The following PCLO variants were observed in gnomAD, a reference collection of about 807,000 sequenced individuals.
PCLO encodes piccolo presynaptic cytomatrix protein, also known as protein piccolo.
Under a neutral mutation model 427.5 loss-of-function variants are expected in PCLO, and 82 were observed. That is an observed-to-expected ratio of 0.19 (90% CI 0.16 to 0.23). The LOEUF (loss-of-function observed/expected upper bound fraction) is 0.23, where lower values mean the gene tolerates loss of function less well. PCLO is among the 10% of genes least tolerant of loss of function. The probability of loss-of-function intolerance (pLI) is 1.00; values close to 1 mark genes in which losing one functional copy is unlikely to be tolerated. For synonymous variants in PCLO, 2,357 were observed against 2,155.4 expected (o/e 1.09, Z -2.59); for missense variants, 6,239 against 6,115.9 (o/e 1.02, Z -0.67).
At chr7:83,044,642 G>C (rs533819891) in intron 3 of PCLO, among the ~76,000 whole-genome samples, 1 of 151,908 alleles carries the variant, frequency 6.6e-6, no homozygotes, top group Non-Finnish European at 1.5e-5. Flanking sequence ...ACATAATGAA[G>C]CAAACAAAAA....
At chr7:82,936,663 T>C (rs2116362524) in intron 6 of PCLO, among the ~76,000 whole-genome samples, 1 of 151,832 alleles carries the variant, frequency 6.6e-6, no homozygotes, top group East Asian at 1.9e-4. Flanking sequence ...AGCAGTTAGC[T>C]ATTCCTAGGC....
intron 3 of PCLO, among the ~76,000 whole-genome samples, chr7:82,981,608 T>G (rs1383360718): frequency 6.6e-6 from 1 of 152,140 alleles, no homozygotes; most frequent in Non-Finnish European, 1.5e-5. Flanking sequence ...TTAATTTTGT[T>G]TCTGTCACCT....
rs932854823 is a variant in PCLO, at chr7:83,007,377, G to A, written c.3301-40890C>T. 1.9e-4 allele frequency among the ~76,000 whole-genome samples: 28 copies of A among 151,160 alleles called. 1 individual carries two copies. In the East Asian group the frequency reaches 5.3e-3, roughly 28 times the overall value. ...AGGTGAATACATTGTTGTGTAAAGT[G>A]GTAAAATATTTATCAGCTGTTTTGT... On this transcript the variant is annotated intron_variant, in intron 3 of 24. Coordinates refer to ENST00000333891, the MANE Select transcript of PCLO (RefSeq NM_033026.6).
chr7:82,888,315 CTATTT>C (rs1269059703), intron 9 of PCLO, among the ~76,000 whole-genome samples: 2 of 151,980 alleles, frequency 1.3e-5, no homozygotes, highest in Non-Finnish European at 2.9e-5. Flanking sequence ...TGTTTTAACT[CTATTT>C]TAAGAGTTGG....
intron 3 of PCLO, among the ~76,000 whole-genome samples, chr7:83,059,964 A>G (rs927854724): frequency 6.6e-6 from 1 of 152,230 alleles, no homozygotes; most frequent in South Asian, 2.1e-4. Flanking sequence ...GAGGAGAAAC[A>G]AAAACAGTCT....
chr7:83,107,760 G>T (rs1790897345), intron 3 of PCLO, among the ~76,000 whole-genome samples: 1 of 145,076 alleles, frequency 6.9e-6, no homozygotes, highest in Admixed American at 7.1e-5. Flanking sequence ...GGAGGCCAAG[G>T]GGGGCAGATC....
At chr7:82,923,883 T>A (rs972216101) in intron 6 of PCLO, among the ~76,000 whole-genome samples, 1 of 152,082 alleles carries the variant, frequency 6.6e-6, no homozygotes, top group African/African-American at 2.4e-5. Context: ...TTGGACCAGA[T>A]GATTCTATAT....
Position 82,930,197 on chromosome 7 carries a change from C to T in PCLO, c.11113-13324G>A, listed in dbSNP as rs118145488. Among the ~76,000 whole-genome samples, 71 of 152,176 alleles carry T rather than the reference C, an allele frequency of 4.7e-4. No homozygotes were observed. The Middle Eastern group carries it at 0.027, about 58-fold the overall frequency. ...CACAAGGGCTACAGGGGAGGGATTT[C>T]CTGGTGGCAGGACACATGGACAAAT... On this transcript the variant is annotated intron_variant, in intron 6 of 24. Transcript: ENST00000333891.
chr7:82,810,882 T>C (rs548872261), intron 20 of PCLO, among the ~76,000 whole-genome samples: 3 of 151,814 alleles, frequency 2.0e-5, no homozygotes, highest in African/African-American at 7.2e-5. Context: ...CGGATTAAAT[T>C]GTAGACTTCA....
chr7:82,782,795 T>C (rs1790901920), intron 22 of PCLO, among the ~76,000 whole-genome samples: 1 of 152,192 alleles, frequency 6.6e-6, no homozygotes, highest in Admixed American at 6.5e-5. Flanking sequence ...AAGTGTCTTA[T>C]ATATTAGTAT....
chr7:83,107,208 C>A (rs1790879624), intron 3 of PCLO, among the ~76,000 whole-genome samples: 1 of 152,070 alleles, frequency 6.6e-6, no homozygotes, highest in South Asian at 2.1e-4. Flanking sequence ...AGTCCTTACC[C>A]TTCAAAATAA....
chr7:82,851,965 CAT>C (rs763088569), intron 10 of PCLO, among the ~76,000 whole-genome samples: 1 of 151,434 alleles, frequency 6.6e-6, no homozygotes, highest in Non-Finnish European at 1.5e-5. Flanking sequence ...ATATATTTTT[CAT>C]ATTTTACAAT....
At position 83,082,111 on chromosome 7, in the gene PCLO, T is replaced by C. The variant is rs184004443; in HGVS notation, c.3300+52139A>G. 6.0e-5 allele frequency among the ~76,000 whole-genome samples: 9 copies of C among 151,238 alleles called. No individual in the cohort carries two copies. The East Asian group carries it at 1.7e-3, about 29-fold the overall frequency. On this transcript the variant is annotated intron_variant, in intron 3 of 24. Coordinates refer to ENST00000333891, the MANE Select transcript of PCLO (RefSeq NM_033026.6). ...CTCCATTTATCTTATACATTTCCTATACTATACACACACACACACACACGC... is the reference window on the plus strand; with the variant it reads ...CTCCATTTATCTTATACATTTCCTACACTATACACACACACACACACACGC...
chr7:82,871,089 A>G (rs1793224974), intron 10 of PCLO, among the ~76,000 whole-genome samples: 1 of 151,982 alleles, frequency 6.6e-6, no homozygotes, highest in African/African-American at 2.4e-5. Context: ...ACCATACAAT[A>G]CACTGATCCC....
intron 22 of PCLO, among the ~76,000 whole-genome samples, chr7:82,794,459 C>CTGTTTTTTTTTTGTTTTT (rs1554333552): frequency 1.8e-5 from 1 of 56,350 alleles, no homozygotes; most frequent in Non-Finnish European, 4.1e-5. Context: ...AATTTTTTTT[C>CTGTTTTTTTTTTGTTTTT]TTTTTTTTTT....
At chr7:82,871,600 A>AT (rs1793239714) in intron 10 of PCLO, among the ~76,000 whole-genome samples, 2 of 152,004 alleles carry the variant, frequency 1.3e-5, no homozygotes, top group Non-Finnish European at 2.9e-5. Flanking sequence ...AGAAGGAAAG[A>AT]TTTTAAGTGT....
In PCLO at chr7:82,998,926, G is replaced by T. The variant is rs114174813; in HGVS notation, c.3301-32439C>A. On this transcript the variant is annotated intron_variant, in intron 3 of 24. Transcript: ENST00000333891. ...AATTAATATGATAATTGTTCTAATA[G>T]ATGAAGTATATAACATGTAAGAACA... Among the ~76,000 whole-genome samples, 1,387 of 151,742 alleles carry T rather than the reference G, an allele frequency of 9.1e-3. 30 individuals carry two copies. The highest frequency in any genetic ancestry group is 0.03 in the African/African-American group (1,255 of 41,408).
rs770502776 is a variant in PCLO, at chr7:82,950,733, C to A, written c.9855G>T (p.Thr3285=). The A allele has an allele frequency of 6.2e-7, 1 of 1,613,826 alleles. No homozygotes were observed. Among genetic ancestry groups the A allele is most frequent in the East Asian group, 2.2e-5 (1 of 44,830 alleles). ...RQAQFMMRQE[T]LAQQQLQLEQ... ...CAAGCTGTAACTGTTGCTGAGCTAA[C>A]GTCTCCTGCCTCATCATGAACTGGG... Residue 3285 remains threonine, a synonymous_variant, in exon 6 of 25, where the codon ACG becomes ACT. Transcript: ENST00000333891.
In PCLO at chr7:82,758,851, C is replaced by T. The variant is rs1790372309; in HGVS notation, c.15289-136G>A. 6 of 553,072 alleles carry T rather than the reference C, an allele frequency of 1.1e-5. No homozygotes were observed. The East Asian group carries it at 1.8e-4, about 16-fold the overall frequency. 34.3% of individuals were successfully genotyped at this position (553,072 alleles called of 1,614,324 possible). A position where few individuals can be genotyped will look rare whatever the true frequency, so the allele number is the denominator to read the frequency against. ...GGTGACGCTGAGTAGAAGTAGCAGACATATTTGCAGGAGAACTGATAACCA... is the reference window on the plus strand; with the variant it reads ...GGTGACGCTGAGTAGAAGTAGCAGATATATTTGCAGGAGAACTGATAACCA... On this transcript the variant is annotated intron_variant, in intron 24 of 24. Transcript: ENST00000333891.
Sources: gnomAD v4.1 joint callset for allele counts (sites outside exome capture counted in the v4.1 genomes callset) on GRCh38, gnomAD v4.1.1 for gene constraint, MANE v1.5 for transcripts, NCBI Gene and HGNC (gene_info 2026-07-23, HGNC 2026-07-21) for gene names.